Variants in GALR1 observed in about 807,000 individuals in gnomAD.
GALR1 encodes the protein galanin receptor type 1.
Under a neutral mutation model 17.9 loss-of-function variants are expected in GALR1, and 11 were observed. That is an observed-to-expected ratio of 0.62 (90% CI 0.39 to 1.02). GALR1 has a LOEUF of 1.02. Among genes scored for constraint, GALR1 ranks in the 50% least tolerant of loss-of-function variants. GALR1 has a pLI of 0.01. For missense variants in GALR1, 441 were observed against 456.9 expected (o/e 0.97, Z 0.32); for synonymous variants, 206 against 205.7 (o/e 1.00, Z -0.01).
chr18:77,253,004 C>CCAT (rs1912500829), intron 1 of GALR1, among the ~76,000 whole-genome samples: 2 of 85,100 alleles, frequency 2.4e-5, no homozygotes, highest in Non-Finnish European at 2.6e-5. Flanking sequence ...ACCACCACCA[C>CCAT]CACCACCACC....
intron 2 of GALR1, among the ~76,000 whole-genome samples, chr18:77,263,949 AT>A (rs1047673162): frequency 2.0e-5 from 3 of 151,938 alleles, no homozygotes; most frequent in African/African-American, 7.3e-5. Context: ...AGCCTGACCA[AT>A]ATGGTGAAAA....
intron 2 of GALR1, among the ~76,000 whole-genome samples, chr18:77,264,204 T>C (rs12955533): frequency 0.061 from 8,831 of 144,632 alleles, 362 homozygotes; most frequent in Non-Finnish European, 0.09. Context: ...CCTAGCAGTG[T>C]GGAGCTGTGG....
intron 2 of GALR1, among the ~76,000 whole-genome samples, chr18:77,261,542 G>A (rs1032424397): frequency 1.3e-5 from 2 of 152,214 alleles, no homozygotes; most frequent in African/African-American, 2.4e-5. Context: ...CATAAACAAC[G>A]GAAATGTATT....
rs577360454 is a variant in GALR1 at position 77,255,613 on chromosome 18, G to C, written c.667-545G>C. On this transcript the variant is annotated intron_variant, in intron 1 of 2. Coordinates refer to ENST00000299727, the MANE Select transcript of GALR1 (RefSeq NM_001480.4). The stretch of plus-strand genomic sequence containing the variant: ...GGAGAAAGAATATTTTGGCACAAAC[G>C]CTGGCAATATTTGGGTTGGCTGCAC... Among the ~76,000 whole-genome samples, 206 of 152,324 alleles carry C rather than the reference G, an allele frequency of 1.4e-3. 1 individual carries two copies. Among genetic ancestry groups the C allele is most frequent in the African/African-American group, 4.5e-3 (186 of 41,570 alleles).
intron 1 of GALR1, among the ~76,000 whole-genome samples, chr18:77,252,288 A>G (rs747854234): frequency 6.6e-6 from 1 of 151,854 alleles, no homozygotes; most frequent in Non-Finnish European, 1.5e-5. Context: ...AATGTGCGCA[A>G]CCTCCTCGCT....
intron 1 of GALR1, among the ~76,000 whole-genome samples, chr18:77,252,926 C>CCACCACCACCACCACCACCACCACCAT (rs1912477299): frequency 2.2e-5 from 1 of 45,954 alleles, no homozygotes; most frequent in African/African-American, 7.4e-5. Context: ...ACCACCATCA[C>CCACCACCACCACCACCACCACCACCAT]CACCACCACC....
intron 1 of GALR1, among the ~76,000 whole-genome samples, chr18:77,252,645 C>A (rs1269667316): frequency 6.6e-6 from 1 of 151,998 alleles, no homozygotes; most frequent in East Asian, 1.9e-4. Flanking sequence ...GTCGGGAATT[C>A]GAGACCAGCC....
Position 77,250,923 on chromosome 18 carries a change from C to T in GALR1, c.375C>T (p.Thr125=), listed in dbSNP as rs1042748030. 1.2e-6 allele frequency: 2 copies of T among 1,605,128 alleles called. No homozygotes were observed. The highest frequency in any genetic ancestry group is 1.3e-5 in the African/African-American group (1 of 74,918). ...FTVSMLVSIF[T]LAAMSVDRYV... Reference sequence around the variant, plus strand: ...TGTCCATGCTGGTGAGCATCTTCACCCTGGCCGCGATGTCCGTGGACCGCT... The same window carrying T: ...TGTCCATGCTGGTGAGCATCTTCACTCTGGCCGCGATGTCCGTGGACCGCT... The change falls in exon 1 of 3, where the codon ACC becomes ACT. Residue 125 remains threonine, a synonymous_variant. Coordinates refer to ENST00000299727, the MANE Select transcript of GALR1 (RefSeq NM_001480.4).
chr18:77,261,904 G>A (rs1407336680), intron 2 of GALR1, among the ~76,000 whole-genome samples: 1 of 152,126 alleles, frequency 6.6e-6, no homozygotes, highest in African/African-American at 2.4e-5. Context: ...GCTCACTGCA[G>A]CCTCAACTTT....
At position 77,272,171 on chromosome 18, in the gene GALR1, C is replaced by T. The variant is rs546062567; in HGVS notation, c.*3269C>T. 3.3e-5 allele frequency: 5 copies of T among 152,268 alleles called. No homozygotes were observed. The highest frequency in any genetic ancestry group is 2.1e-4 in the South Asian group (1 of 4,820). 9.4% of individuals were successfully genotyped at this position (152,268 alleles called of 1,614,324 possible). ...TACCACAGATAAATTCATCTTTCAGCGCAGATATAACAAATCAGAGTGGGG... is the reference window on the plus strand; with the variant it reads ...TACCACAGATAAATTCATCTTTCAGTGCAGATATAACAAATCAGAGTGGGG... On this transcript the variant is annotated 3_prime_UTR_variant, in exon 3 of 3. Transcript: ENST00000299727.
At chr18:77,260,611 G>A (rs891474152) in intron 2 of GALR1, among the ~76,000 whole-genome samples, 6 of 152,206 alleles carry the variant, frequency 3.9e-5, no homozygotes, top group Admixed American at 1.3e-4. Flanking sequence ...GGGCTTTCCT[G>A]TTGAGAGTTA....
Position 77,269,152 on chromosome 18 carries a change from G to A in GALR1, c.*250G>A. On this transcript the variant is annotated 3_prime_UTR_variant, in exon 3 of 3. Coordinates refer to ENST00000299727, the MANE Select transcript of GALR1 (RefSeq NM_001480.4). ...CAGAAACAAAAGACAATGCTGTACAGTTTTATTCCTCTTCAGACATGAAAG... is the reference window on the plus strand; with the variant it reads ...CAGAAACAAAAGACAATGCTGTACAATTTTATTCCTCTTCAGACATGAAAG... 3 of 449,524 alleles carry A rather than the reference G, an allele frequency of 6.7e-6. No individual in the cohort carries two copies. Among genetic ancestry groups the A allele is most frequent in the Non-Finnish European group, 1.2e-5 (3 of 253,836 alleles). 27.8% of individuals were successfully genotyped at this position (449,524 alleles called of 1,614,324 possible). A position where few individuals can be genotyped will look rare whatever the true frequency, so the allele number is the denominator to read the frequency against.
rs1322698952 is a variant in GALR1 at position 77,259,287 on chromosome 18, G to GTGGTGATGA, written c.732+3068_732+3069insGATGATGGT. Among the ~76,000 whole-genome samples, 6 of 67,286 alleles carry GTGGTGATGA rather than the reference G, an allele frequency of 8.9e-5. 1 individual carries two copies. Among genetic ancestry groups the GTGGTGATGA allele is most frequent in the Non-Finnish European group, 1.4e-4 (4 of 29,162 alleles). 44.1% of individuals were successfully genotyped at this position (67,286 alleles called of 152,430 possible). A position where few individuals can be genotyped will look rare whatever the true frequency, so the allele number is the denominator to read the frequency against. ...GGTGTTGGTGTTGGTGGTGGTCATG[G>GTGGTGATGA]TGGTCATGGTGGTGATGATGGTGGT... On this transcript the variant is annotated intron_variant, in intron 2 of 2. Coordinates refer to ENST00000299727, the MANE Select transcript of GALR1 (RefSeq NM_001480.4).
intron 2 of GALR1, 101 bp downstream of exon 2, chr18:77,256,324 A>G: frequency 1.5e-6 from 1 of 687,672 alleles, no homozygotes; most frequent in Non-Finnish European, 2.5e-6. Flanking sequence ...TGTAACATTT[A>G]GGACCCTTGG....
At position 77,276,924 on chromosome 18, in the gene GALR1, AAAAAT is replaced by A. The variant is rs1426287118; in HGVS notation, c.*8034_*8038del. On this transcript the variant is annotated 3_prime_UTR_variant, in exon 3 of 3. Transcript: ENST00000299727. The stretch of plus-strand genomic sequence containing the variant: ...GAGATTGTTATAATTTTTGCCTCAA[AAAAAT>A]AAAATAAAATAGCTTGGTGGAAAAG... 2 of 152,204 alleles carry A rather than the reference AAAAAT, an allele frequency of 1.3e-5. No individual in the cohort carries two copies. Among genetic ancestry groups the A allele is most frequent in the Non-Finnish European group, 2.9e-5 (2 of 68,046 alleles). 9.4% of individuals were successfully genotyped at this position (152,204 alleles called of 1,614,324 possible).
chr18:77,265,735 C>T (rs1303873698), intron 2 of GALR1, among the ~76,000 whole-genome samples: 3 of 152,210 alleles, frequency 2.0e-5, no homozygotes, highest in Admixed American at 2.0e-4. Context: ...CAGGCCCAAC[C>T]TCATGGGTAA....
At chr18:77,264,740 C>A (rs1384017299) in intron 2 of GALR1, among the ~76,000 whole-genome samples, 1 of 152,076 alleles carries the variant, frequency 6.6e-6, no homozygotes, top group Non-Finnish European at 1.5e-5. Flanking sequence ...AAAGCAAACA[C>A]GTCCTTCATA....
At position 77,276,733 on chromosome 18, in the gene GALR1, G is replaced by A. The variant is rs1213619326; in HGVS notation, c.*7831G>A. ...GTCTTTTAAAGTCTAAGCTTCTATGGTTCTGTGAAAAAAATTGTTTACATG... is the reference window on the plus strand; with the variant it reads ...GTCTTTTAAAGTCTAAGCTTCTATGATTCTGTGAAAAAAATTGTTTACATG... On this transcript the variant is annotated 3_prime_UTR_variant, in exon 3 of 3. Coordinates refer to ENST00000299727, the MANE Select transcript of GALR1 (RefSeq NM_001480.4). 1 of 152,100 alleles carries A rather than the reference G, an allele frequency of 6.6e-6. No homozygotes were observed. The highest frequency in any genetic ancestry group is 1.5e-5 in the Non-Finnish European group (1 of 68,012). The allele number at this position is 152,100 out of a possible 1,614,324, so 9.4% of individuals were successfully genotyped here.
intron 1 of GALR1, among the ~76,000 whole-genome samples, chr18:77,254,725 C>T (rs1364187222): frequency 3.9e-5 from 6 of 152,192 alleles, no homozygotes; most frequent in East Asian, 3.8e-4. Context: ...CCTGTTCTGT[C>T]GTTGCCTTGC....
Sources: allele counts gnomAD v4.1 joint callset (sites outside exome capture counted in the v4.1 genomes callset), GRCh38; gene constraint gnomAD v4.1.1; transcripts MANE v1.5; gene names NCBI Gene and HGNC (gene_info 2026-07-23, HGNC 2026-07-21).